The following DPP6 variants were observed in gnomAD, a reference collection of about 807,000 sequenced individuals.
DPP6 encodes the protein dipeptidyl peptidase like 6, also known as A-type potassium channel modulatory protein DPP6.
Under a neutral mutation model 122.6 loss-of-function variants are expected in DPP6, and 69 were observed. The ratio of observed to expected loss-of-function variants is 0.56; its 90% CI spans 0.46 to 0.69. The LOEUF is 0.69. Among genes scored for constraint, DPP6 ranks in the 30% least tolerant of loss-of-function variants. The probability of loss-of-function intolerance (pLI) is 0.00; values close to 1 mark genes in which losing one functional copy is unlikely to be tolerated. For synonymous variants in DPP6, 418 were observed against 433.1 expected, an observed-to-expected ratio of 0.97 and a Z score of 0.43; for missense variants, 928 against 1,116.9, an observed-to-expected ratio of 0.83 and a Z score of 2.41.
At chr7:154,278,149 C>CA (rs2150945391) in intron 1 of DPP6, among the ~76,000 whole-genome samples, 1 of 152,282 alleles carries the variant, frequency 6.6e-6, no homozygotes, top group South Asian at 2.1e-4. Flanking sequence ...GAGGGAGAGA[C>CA]AGGGAGCGTT....
At chr7:154,773,247 G>A (rs1479868750) in intron 10 of DPP6, among the ~76,000 whole-genome samples, 1 of 152,168 alleles carries the variant, frequency 6.6e-6, no homozygotes, top group African/African-American at 2.4e-5. Context: ...AGGAAATGAT[G>A]CGGTCTTCCC....
chr7:154,516,859 C>T (rs2129901734), intron 3 of DPP6, among the ~76,000 whole-genome samples: 1 of 152,286 alleles, frequency 6.6e-6, no homozygotes, highest in Non-Finnish European at 1.5e-5. Flanking sequence ...TTTATTCTAG[C>T]ACTTGTGTGT....
chr7:154,074,426 G>C (rs1803404742), intron 1 of DPP6, among the ~76,000 whole-genome samples: 1 of 152,156 alleles, frequency 6.6e-6, no homozygotes, highest in South Asian at 2.1e-4. Flanking sequence ...TAAAGTCTTA[G>C]TAATTCTGAT....
chr7:154,367,125 A>G lies in DPP6; in HGVS notation c.244-79089A>G, dbSNP rs141496894. The stretch of plus-strand genomic sequence containing the variant: ...TGAGAGACAGGGACTGACAAGATCA[A>G]TAATTGTTTCCAAATAATGGGGCGC... On this transcript the variant is annotated intron_variant, in intron 1 of 25. Transcript: ENST00000377770. 1.3e-3 allele frequency among the ~76,000 whole-genome samples: 191 copies of G among 152,320 alleles called. 4 individuals carry two copies. Among genetic ancestry groups the G allele is most frequent in the African/African-American group, 4.4e-3 (184 of 41,572 alleles).
At chr7:154,063,627 G>A (rs1343275762) in intron 1 of DPP6, among the ~76,000 whole-genome samples, 3 of 136,464 alleles carry the variant, frequency 2.2e-5, no homozygotes, top group Non-Finnish European at 3.2e-5. Flanking sequence ...CACGAGGCAG[G>A]GACTGAGAGC....
chr7:153,898,578 T>C (rs1475365549), intron 1 of DPP6, among the ~76,000 whole-genome samples: 2 of 152,158 alleles, frequency 1.3e-5, no homozygotes, highest in Admixed American at 6.5e-5. Flanking sequence ...CTCATAAATA[T>C]GTATAATTAT....
chr7:153,866,548 C>A, the DPP6 span, among the ~76,000 whole-genome samples: 23 of 152,054 alleles, frequency 1.5e-4, no homozygotes, highest in South Asian at 2.1e-3. Context: ...TCTGGATATT[C>A]ACCCTTTGTC....
intron 1 of DPP6, chr7:154,094,268 GA>G (rs1210497809): frequency 6.6e-6 from 1 of 152,132 alleles, no homozygotes; most frequent in Non-Finnish European, 1.5e-5. Flanking sequence ...AAGGTCAGGG[GA>G]CGTTCCCATC....
the DPP6 span, among the ~76,000 whole-genome samples, chr7:153,881,599 A>G: frequency 6.6e-6 from 1 of 152,206 alleles, no homozygotes; most frequent in South Asian, 2.1e-4. Flanking sequence ...TAAAGTATGG[A>G]TCATGCTATA....
Position 154,239,992 on chromosome 7 carries a change from TAAAAAAAAAAAAAAAAAAAAAAAA to T in DPP6, c.243+186952_243+186975del, listed in dbSNP as rs763543397. ...GGGAGACAGAGTAAGATGCTGTCTTTAAAAAAAAAAAAAAAAAAAAAAAAAAAAAAAAAAAAAAAAAAAAAAGTG... is the reference window on the plus strand; with the variant it reads ...GGGAGACAGAGTAAGATGCTGTCTTTAAAAAAAAAAAAAAAAAAAAAAGTG... On this transcript the variant is annotated intron_variant, in intron 1 of 25. Coordinates refer to ENST00000377770, the MANE Select transcript of DPP6 (RefSeq NM_130797.4). 2.2e-4 allele frequency among the ~76,000 whole-genome samples: 11 copies of T among 50,426 alleles called. No homozygotes were observed. The South Asian group carries it at 4.2e-3, about 19-fold the overall frequency. 33.1% of individuals were successfully genotyped at this position (50,426 alleles called of 152,430 possible). A position where few individuals can be genotyped will look rare whatever the true frequency, so the allele number is the denominator to read the frequency against.
At chr7:154,491,904 G>A (rs1824310097) in intron 3 of DPP6, among the ~76,000 whole-genome samples, 2 of 152,050 alleles carry the variant, frequency 1.3e-5, no homozygotes, top group African/African-American at 4.8e-5. Flanking sequence ...TAAGTTCCAG[G>A]AACTTAATCT....
chr7:154,165,723 A>C (rs1272624561), intron 1 of DPP6, among the ~76,000 whole-genome samples: 1 of 152,136 alleles, frequency 6.6e-6, no homozygotes, highest in East Asian at 1.9e-4. Context: ...ATGGTATCTC[A>C]TTGTGGTTTT....
chr7:154,256,034 A>G (rs1563375899), intron 1 of DPP6, among the ~76,000 whole-genome samples: 1 of 152,198 alleles, frequency 6.6e-6, no homozygotes, highest in Non-Finnish European at 1.5e-5. Context: ...TTTATAACCT[A>G]TAGCATTATT....
At chr7:154,232,099 G>A (rs552977366) in intron 1 of DPP6, among the ~76,000 whole-genome samples, 1 of 152,194 alleles carries the variant, frequency 6.6e-6, no homozygotes, top group African/African-American at 2.4e-5. Context: ...ATCAGGACTT[G>A]GGAGGGAACC....
chr7:154,521,141 T>C (rs1826941688), intron 3 of DPP6, among the ~76,000 whole-genome samples: 1 of 152,234 alleles, frequency 6.6e-6, no homozygotes, highest in South Asian at 2.1e-4. Flanking sequence ...AATGTGTATA[T>C]GCGAAGTCCT....
intron 1 of DPP6, among the ~76,000 whole-genome samples, chr7:153,916,342 A>C (rs1465186216): frequency 1.6e-4 from 19 of 119,952 alleles, no homozygotes; most frequent in African/African-American, 1.9e-4. Flanking sequence ...TTCTTCCCCT[A>C]TCTCCCCTTC....
At chr7:154,087,303 G>A (rs1804494971) in intron 1 of DPP6, among the ~76,000 whole-genome samples, 3 of 152,158 alleles carry the variant, frequency 2.0e-5, no homozygotes, top group South Asian at 4.2e-4. Flanking sequence ...TGCAGAGTAT[G>A]GCACAGATTT....
chr7:154,098,998 A>G lies in DPP6; in HGVS notation c.243+45935A>G, dbSNP rs190702728. Among the ~76,000 whole-genome samples the G allele has an allele frequency of 5.3e-5, 8 of 152,352 alleles. No homozygotes were observed. In the East Asian group the frequency reaches 5.8e-4, roughly 11 times the overall value. ...AGCCTTTAAATTTGTTTTGCAAACAATCACATCAGGATTTGTTCTAATATA... is the reference window on the plus strand; with the variant it reads ...AGCCTTTAAATTTGTTTTGCAAACAGTCACATCAGGATTTGTTCTAATATA... On this transcript the variant is annotated intron_variant, in intron 1 of 25. Transcript: ENST00000377770.
rs148990230 is a variant in DPP6, at chr7:154,806,286, C to T, written c.1548-708C>T. ...CCTATGGTTAGAGGGGACCCTCCTGCGGCAAAATGTTCAGATAAGAACTTC... is the reference window on the plus strand; with the variant it reads ...CCTATGGTTAGAGGGGACCCTCCTGTGGCAAAATGTTCAGATAAGAACTTC... On this transcript the variant is annotated intron_variant, in intron 15 of 25. Transcript: ENST00000377770. 3.3e-3 allele frequency among the ~76,000 whole-genome samples: 509 copies of T among 152,294 alleles called. 2 individuals are homozygous for T. Among genetic ancestry groups the T allele is most frequent in the Non-Finnish European group, 4.6e-3 (310 of 68,028 alleles).
Sources: gnomAD v4.1 joint callset for allele counts (sites outside exome capture counted in the v4.1 genomes callset) on GRCh38, gnomAD v4.1.1 for gene constraint, MANE v1.5 for transcripts, NCBI Gene and HGNC (gene_info 2026-07-23, HGNC 2026-07-21) for gene names.